The following EPHA3 variants were observed in gnomAD, a reference collection of about 807,000 sequenced individuals.
EPHA3 encodes the protein ephrin type-A receptor 3.
Under a neutral mutation model 107.1 loss-of-function variants are expected in EPHA3, and 42 were observed. The observed-to-expected ratio is 0.39, with a 90% CI of 0.31 to 0.51. The LOEUF (loss-of-function observed/expected upper bound fraction) is 0.51. EPHA3 is among the 20% of genes least tolerant of loss of function. The pLI is 0.78. For synonymous variants in EPHA3, 461 were observed against 424.8 expected (o/e 1.09, Z -1.05); for missense variants, 1,183 against 1,211.2 (o/e 0.98, Z 0.35).
Position 89,479,497 on chromosome 3 carries a change from G to A in EPHA3, c.2947G>A (p.Val983Met), listed in dbSNP as rs536144760. Reference sequence around the variant, plus strand: ...GCAATCAAAGAATGGCCCAGTTCCCGTGTAAAGCACGGGACGGAAGTGCTT... The same window carrying A: ...GCAATCAAAGAATGGCCCAGTTCCCATGTAAAGCACGGGACGGAAGTGCTT... ...ETQSKNGPVP[V>M] Residue 983 changes from valine to methionine, a missense_variant, in exon 17 of 17, where the codon GTG becomes ATG. Val to Met is a conservative substitution (Grantham distance 21, BLOSUM62 1). Transcript: ENST00000336596. The A allele has an allele frequency of 1.5e-5, 25 of 1,613,310 alleles. No homozygotes were observed. The African/African-American group carries it at 1.9e-4, about 12-fold the overall frequency.
intron 13 of EPHA3, among the ~76,000 whole-genome samples, chr3:89,444,730 T>G (rs1360612456): frequency 6.6e-6 from 1 of 152,062 alleles, no homozygotes; most frequent in African/African-American, 2.4e-5. Context: ...AATGACAAAA[T>G]TTTCTAAATA....
At chr3:89,461,287 A>T (rs1199215231) in intron 15 of EPHA3, among the ~76,000 whole-genome samples, 556 of 100,620 alleles carry the variant, frequency 5.5e-3, no homozygotes, top group Non-Finnish European at 8.5e-3. Context: ...CAATAAACAT[A>T]CGTGTGCATG....
intron 3 of EPHA3, among the ~76,000 whole-genome samples, chr3:89,247,911 G>A (rs1705073452): frequency 1.3e-5 from 2 of 152,034 alleles, no homozygotes; most frequent in African/African-American, 2.4e-5. Context: ...AAGGACCTTG[G>A]GCAATGCAGA....
At position 89,479,377 on chromosome 3, in the gene EPHA3, ATTG is replaced by A. The variant is rs1321180083; in HGVS notation, c.2847-17_2847-15del. 7 of 1,599,872 alleles carry A rather than the reference ATTG, an allele frequency of 4.4e-6. No homozygotes were observed. The highest frequency in any genetic ancestry group is 5.1e-6 in the Non-Finnish European group (6 of 1,167,296). ...CACTATCGAGGAAACCGATTCTTAT[ATTG>A]TTTTCTTTTTTTACAGTGACATGAA... On this transcript the variant is annotated splice_polypyrimidine_tract_variant and intron_variant, in intron 16 of 16. Transcript: ENST00000336596.
chr3:89,109,707 G>A (rs1180962899), intron 1 of EPHA3, among the ~76,000 whole-genome samples: 1 of 151,874 alleles, frequency 6.6e-6, no homozygotes, highest in East Asian at 1.9e-4. Context: ...TGTATGTTTG[G>A]GGATATAATG....
intron 15 of EPHA3, among the ~76,000 whole-genome samples, chr3:89,470,218 A>G (rs532699427): frequency 6.6e-6 from 1 of 152,220 alleles, no homozygotes; most frequent in African/African-American, 2.4e-5. Context: ...TGAAGCCCCT[A>G]ATAATGGCTA....
intron 9 of EPHA3, among the ~76,000 whole-genome samples, chr3:89,410,707 A>C (rs1375387670): frequency 6.6e-6 from 1 of 151,966 alleles, no homozygotes; most frequent in Non-Finnish European, 1.5e-5. Context: ...CTAAATGAAA[A>C]GACTCCAACA....
intron 3 of EPHA3, among the ~76,000 whole-genome samples, chr3:89,315,632 A>G (rs1706878993): frequency 6.6e-6 from 1 of 150,564 alleles, no homozygotes; most frequent in South Asian, 2.1e-4. Context: ...AAAAAAAAAA[A>G]GCAATCTTGT....
intron 3 of EPHA3, among the ~76,000 whole-genome samples, chr3:89,296,037 C>T (rs1706346710): frequency 6.6e-6 from 1 of 152,228 alleles, no homozygotes; most frequent in Non-Finnish European, 1.5e-5. Context: ...GACACACATT[C>T]ATGCTCCACT....
At chr3:89,417,511 C>T (rs1188616852) in intron 10 of EPHA3, among the ~76,000 whole-genome samples, 6 of 151,386 alleles carry the variant, frequency 4.0e-5, no homozygotes, top group African/African-American at 7.3e-5. Flanking sequence ...TGATAATGTT[C>T]GGATAACCCT....
chr3:89,236,805 A>G (rs949423548), intron 3 of EPHA3, among the ~76,000 whole-genome samples: 1 of 152,200 alleles, frequency 6.6e-6, no homozygotes, highest in African/African-American at 2.4e-5. Flanking sequence ...AGAAAGCTAC[A>G]TTTTTTTATA....
chr3:89,352,534 C>T (rs1478305128), intron 5 of EPHA3, among the ~76,000 whole-genome samples: 5 of 150,856 alleles, frequency 3.3e-5, no homozygotes. Flanking sequence ...AAGTAAATAT[C>T]TTTAATAAAT....
intron 3 of EPHA3, among the ~76,000 whole-genome samples, chr3:89,277,677 GTATAT>G (rs1324488932): frequency 6.6e-6 from 1 of 152,028 alleles, no homozygotes; most frequent in Non-Finnish European, 1.5e-5. Context: ...AATGATCCCA[GTATAT>G]TATATTTTTT....
chr3:89,136,589 A>T (rs181406500), intron 2 of EPHA3, among the ~76,000 whole-genome samples: 2 of 151,640 alleles, frequency 1.3e-5, no homozygotes, highest in African/African-American at 4.8e-5. Flanking sequence ...ATTGGATTAG[A>T]ATTTTAAAAA....
intron 5 of EPHA3, among the ~76,000 whole-genome samples, chr3:89,350,555 G>T (rs1326151658): frequency 6.7e-6 from 1 of 149,676 alleles, no homozygotes; most frequent in Non-Finnish European, 1.5e-5. Context: ...CTTTGCCTTT[G>T]GTTTGAATGT....
At position 89,425,818 on chromosome 3, in the gene EPHA3, G is replaced by T. The variant is rs191909860; in HGVS notation, c.2075-3288G>T. ...GTTAAAATAGCTGGTGCTGAATCTG[G>T]AATTCTTAGACATTTTGAATCATAT... is the stretch of plus-strand genomic sequence containing the variant. On this transcript the variant is annotated intron_variant, in intron 11 of 16. Transcript: ENST00000336596. Among the ~76,000 whole-genome samples, 72 of 151,572 alleles carry T rather than the reference G, an allele frequency of 4.8e-4. No individual in the cohort carries two copies. The East Asian group carries it at 9.5e-3, about 20-fold the overall frequency.
intron 3 of EPHA3, among the ~76,000 whole-genome samples, chr3:89,235,576 T>C (rs73849213): frequency 0.036 from 5,502 of 152,112 alleles, 329 homozygotes; most frequent in African/African-American, 0.13. Context: ...AAAATCTGTA[T>C]TGAGATTTTT....
intron 3 of EPHA3, among the ~76,000 whole-genome samples, chr3:89,280,998 A>ATTT (rs1559630740): frequency 5.7e-5 from 6 of 104,514 alleles, no homozygotes; most frequent in African/African-American, 2.5e-4. Flanking sequence ...ATCTTACAAG[A>ATTT]TTTTTATTAT....
intron 15 of EPHA3, among the ~76,000 whole-genome samples, chr3:89,470,276 A>G (rs1710374086): frequency 1.3e-5 from 2 of 152,108 alleles, no homozygotes; most frequent in Admixed American, 1.3e-4. Context: ...ATATATGACT[A>G]AATTTCTAGT....
Sources: allele counts gnomAD v4.1 joint callset (sites outside exome capture counted in the v4.1 genomes callset), GRCh38; gene constraint gnomAD v4.1.1; transcripts MANE v1.5; gene names NCBI Gene and HGNC (gene_info 2026-07-23, HGNC 2026-07-21).